SH2D1A: variants seen among roughly 807,000 people sequenced by gnomAD.
SH2D1A encodes the protein SH2 domain containing 1A, also known as SH2 domain-containing protein 1A.
Under a neutral mutation model 10.1 loss-of-function variants are expected in SH2D1A, and 6 were observed. The observed-to-expected ratio is 0.60, with a 90% CI of 0.33 to 1.18. SH2D1A has a LOEUF of 1.18. SH2D1A is among the 50% of genes most tolerant of loss of function. The pLI is 0.04. For missense variants in SH2D1A, 51 were observed against 97.6 expected, an observed-to-expected ratio of 0.52 and a Z score of 2.01; for synonymous variants, 42 against 36.9, an observed-to-expected ratio of 1.14 and a Z score of -0.51.
At chrX:124,367,484 CAGT>C (rs1340346288) in intron 2 of SH2D1A, 22 of 111,850 alleles carry the variant, frequency 2.0e-4, no homozygotes, top group African/African-American at 6.2e-4. Context: ...TAGCTGAGTT[CAGT>C]GACAGGATGA....
intron 1 of SH2D1A, among the ~76,000 whole-genome samples, chrX:124,353,867 A>T (rs932639939): frequency 8.9e-6 from 1 of 111,850 alleles, no homozygotes; most frequent in Non-Finnish European, 1.9e-5. Flanking sequence ...TTAAGTTTTA[A>T]AGGGACAACT....
intron 1 of SH2D1A, among the ~76,000 whole-genome samples, chrX:124,352,938 G>A (rs1424022207): frequency 1.8e-5 from 2 of 111,157 alleles, no homozygotes; most frequent in African/African-American, 3.3e-5. Flanking sequence ...CGCACAGTAC[G>A]GTGACTATAG....
At chrX:124,363,948 CACAG>C (rs1323720403) in intron 1 of SH2D1A, among the ~76,000 whole-genome samples, 2 of 100,106 alleles carry the variant, frequency 2.0e-5, no homozygotes, top group Non-Finnish European at 4.1e-5. Flanking sequence ...AAATGTATAG[CACAG>C]ACAATTACAT....
chrX:124,354,759 A>G (rs1335925453), intron 1 of SH2D1A, among the ~76,000 whole-genome samples: 1 of 112,539 alleles, frequency 8.9e-6, no homozygotes, highest in African/African-American at 3.2e-5. Context: ...AAATAATTGT[A>G]ATACAAAGTT....
At position 124,346,792 on chromosome X, in the gene SH2D1A, C is replaced by A. The variant is rs2059993988; in HGVS notation, c.137+13C>A. On this transcript the variant is annotated intron_variant, in intron 1 of 3. Transcript: ENST00000371139. ...GCCTATGTGTGCTGTGAGTATGATA[C>A]GGTGGACATGGGCCTGCTGAGGGTG... 8.3e-7 allele frequency: 1 copy of A among 1,210,221 alleles called. No individual in the cohort carries two copies. Among genetic ancestry groups the A allele is most frequent in the African/African-American group, 1.7e-5 (1 of 57,805 alleles).
intron 3 of SH2D1A, 94 bp downstream of exon 3, chrX:124,370,414 GA>G (rs2060066736): frequency 1.4e-6 from 1 of 738,134 alleles, no homozygotes; most frequent in Non-Finnish European, 2.1e-6. Flanking sequence ...AGTTATGTAA[GA>G]AAAATGCAGT....
At chrX:124,347,764 GTAT>G (rs2059997707) in intron 1 of SH2D1A, among the ~76,000 whole-genome samples, 1 of 111,067 alleles carries the variant, frequency 9.0e-6, no homozygotes, top group African/African-American at 3.3e-5. Context: ...TAAGCTATTG[GTAT>G]TATTATTATA....
At chrX:124,368,655 G>A (rs2147533160) in intron 2 of SH2D1A, among the ~76,000 whole-genome samples, 1 of 112,403 alleles carries the variant, frequency 8.9e-6, no homozygotes, top group South Asian at 3.7e-4. Context: ...GTGACTTTGG[G>A]CAAGCTGATT....
chrX:124,351,532 G>A (rs746453057), intron 1 of SH2D1A, among the ~76,000 whole-genome samples: 24 of 110,786 alleles, frequency 2.2e-4, no homozygotes, highest in Non-Finnish European at 4.0e-4. Context: ...ATGCTCACCT[G>A]TAATGCATCA....
intron 1 of SH2D1A, among the ~76,000 whole-genome samples, chrX:124,356,002 C>T (rs1320311053): frequency 1.8e-5 from 2 of 109,209 alleles, no homozygotes; most frequent in African/African-American, 6.7e-5. Flanking sequence ...TGTTGGTGTG[C>T]TGCACCCATT....
intron 2 of SH2D1A, among the ~76,000 whole-genome samples, chrX:124,366,411 T>C (rs1270005595): frequency 9.1e-6 from 1 of 110,406 alleles, no homozygotes; most frequent in Non-Finnish European, 1.9e-5. Flanking sequence ...TCCTCCCTTA[T>C]GCACAAGGCT....
rs944369517 is a variant in SH2D1A, at chrX:124,364,340, CAG to C, written c.138-1417_138-1416del. 6.6e-5 allele frequency: 14 copies of C among 212,590 alleles called. No homozygotes were observed. The East Asian group carries it at 1.6e-3, about 24-fold the overall frequency. 17.5% of individuals were successfully genotyped at this position (212,590 alleles called of 1,213,427 possible). On this transcript the variant is annotated intron_variant, in intron 1 of 3. Coordinates refer to ENST00000371139, the MANE Select transcript of SH2D1A (RefSeq NM_002351.5). Reference sequence around the variant, plus strand: ...AATACATAAAATAAAAATTTTGAAACAGAGAAAAGCTTATGGAATAAGGATAT... The same window carrying C: ...AATACATAAAATAAAAATTTTGAAACAGAAAAGCTTATGGAATAAGGATAT...
At chrX:124,359,916 T>A (rs775432300) in intron 1 of SH2D1A, among the ~76,000 whole-genome samples, 20 of 110,901 alleles carry the variant, frequency 1.8e-4, no homozygotes, top group Non-Finnish European at 3.8e-4. Flanking sequence ...ATAGTAATTT[T>A]TTTTTTTAGA....
At chrX:124,360,530 G>C (rs913972044) in intron 1 of SH2D1A, among the ~76,000 whole-genome samples, 2 of 95,538 alleles carry the variant, frequency 2.1e-5, no homozygotes, top group African/African-American at 7.9e-5. Flanking sequence ...GCTAAGGCAG[G>C]AGGGCAAGGC....
Position 124,370,245 on chromosome X carries a change from G to C in SH2D1A, c.271G>C (p.Asp91His). ...TCTCATTTCAGCATTTCAGAAGCCAGATCAAGGCATTGTAATACCTCTGCA... is the reference window on the plus strand; with the variant it reads ...TCTCATTTCAGCATTTCAGAAGCCACATCAAGGCATTGTAATACCTCTGCA... ...KNLISAFQKP[D>H]QGIVIPLQYP... Residue 91 changes from aspartate (D) to histidine (H), a missense_variant, in exon 3 of 4, where the codon GAT becomes CAT. Coordinates refer to ENST00000371139, the MANE Select transcript of SH2D1A (RefSeq NM_002351.5). 8.4e-7 allele frequency: 1 copy of C among 1,191,570 alleles called. No individual in the cohort carries two copies.
chrX:124,365,488 TC>T (rs1473260039), intron 1 of SH2D1A, among the ~76,000 whole-genome samples: 2 of 110,547 alleles, frequency 1.8e-5, no homozygotes, highest in African/African-American at 6.6e-5. Context: ...TTTCTTTCTG[TC>T]CAAATGGTCT....
At chrX:124,354,511 A>G (rs1395031133) in intron 1 of SH2D1A, among the ~76,000 whole-genome samples, 2 of 111,445 alleles carry the variant, frequency 1.8e-5, no homozygotes, top group East Asian at 5.6e-4. Context: ...GGTGGTTAAG[A>G]GCCCAGATCT....
Position 124,358,956 on chromosome X carries a change from A to C in SH2D1A, c.138-6805A>C, listed in dbSNP as rs2060032822. On this transcript the variant is annotated intron_variant, in intron 1 of 3. Coordinates refer to ENST00000371139, the MANE Select transcript of SH2D1A (RefSeq NM_002351.5). ...CTGTTTTAGATCTCTTCCTTGTATG[A>C]CATATTATAGTAAGAGTTGACTACA... Among the ~76,000 whole-genome samples the C allele has an allele frequency of 2.7e-5, 3 of 111,643 alleles. No homozygotes were observed. In the South Asian group the frequency reaches 1.2e-3, roughly 43 times the overall value.
intron 1 of SH2D1A, among the ~76,000 whole-genome samples, chrX:124,350,582 A>G (rs2060010031): frequency 1.9e-5 from 1 of 53,805 alleles, no homozygotes; most frequent in Admixed American, 3.7e-4. Context: ...ACTATATTAT[A>G]TAGTATAATA....
Sources: gnomAD v4.1 joint callset for allele counts (sites outside exome capture counted in the v4.1 genomes callset) on GRCh38, gnomAD v4.1.1 for gene constraint, MANE v1.5 for transcripts, NCBI Gene and HGNC (gene_info 2026-07-23, HGNC 2026-07-21) for gene names.